Variants in TMEM132D observed in about 807,000 individuals in gnomAD.
The protein encoded by TMEM132D is mature OL transmembrane protein.
In TMEM132D, 21 loss-of-function variants were observed where a neutral mutation model predicts 62.3. The ratio of observed to expected loss-of-function variants is 0.34; its 90% CI spans 0.24 to 0.49. The LOEUF is 0.49. Among genes scored for constraint, TMEM132D ranks in the 20% least tolerant of loss-of-function variants. The pLI, the probability that TMEM132D is intolerant of heterozygous loss-of-function variation, is 0.99. For synonymous variants in TMEM132D, 621 were observed against 575.6 expected (o/e 1.08, Z -1.13); for missense variants, 1,346 against 1,402.8 (o/e 0.96, Z 0.65).
chr12:129,247,792 C>A (rs1313828131), intron 4 of TMEM132D, among the ~76,000 whole-genome samples: 1 of 151,896 alleles, frequency 6.6e-6, no homozygotes, highest in Admixed American at 6.5e-5. Flanking sequence ...AAACGATATG[C>A]CCCATAGCTT....
intron 2 of TMEM132D, among the ~76,000 whole-genome samples, chr12:129,596,910 A>G (rs779930243): frequency 4.1e-4 from 62 of 152,296 alleles, no homozygotes; most frequent in Middle Eastern, 3.4e-3. Flanking sequence ...AGTCCAAGGC[A>G]GATGGGAAAA....
intron 4 of TMEM132D, among the ~76,000 whole-genome samples, chr12:129,321,068 C>G (rs1868689342): frequency 6.6e-6 from 1 of 152,048 alleles, no homozygotes; most frequent in Non-Finnish European, 1.5e-5. Flanking sequence ...ATATTCATAA[C>G]CATACTTTAC....
intron 1 of TMEM132D, among the ~76,000 whole-genome samples, chr12:129,878,680 G>A (rs1455858333): frequency 2.0e-5 from 3 of 151,832 alleles, no homozygotes; most frequent in Non-Finnish European, 4.4e-5. Flanking sequence ...GGGTTCAAAC[G>A]ATTTTCCTGC....
intron 5 of TMEM132D, among the ~76,000 whole-genome samples, chr12:129,200,510 G>T (rs2135560956): frequency 6.6e-6 from 1 of 152,298 alleles, no homozygotes; most frequent in Middle Eastern, 3.4e-3. Context: ...AATCCCTGCA[G>T]CTTCTCCATT....
chr12:129,424,946 G>A (rs537703496), intron 3 of TMEM132D, among the ~76,000 whole-genome samples: 8 of 152,044 alleles, frequency 5.3e-5, no homozygotes, highest in South Asian at 4.2e-4. Context: ...AGTCCATCCC[G>A]CTCCCCACCT....
intron 5 of TMEM132D, among the ~76,000 whole-genome samples, chr12:129,147,038 C>T (rs1876919655): frequency 6.6e-6 from 1 of 152,024 alleles, no homozygotes; most frequent in African/African-American, 2.4e-5. Context: ...TGATTTCAAA[C>T]CTACTGAAGA....
intron 5 of TMEM132D, among the ~76,000 whole-genome samples, chr12:129,093,921 G>T (rs900063794): frequency 1.3e-5 from 2 of 151,830 alleles, no homozygotes; most frequent in Non-Finnish European, 2.9e-5. Flanking sequence ...ATAAAAACAA[G>T]CAATGGGGAA....
Position 129,266,808 on chromosome 12 carries a change from C to T in TMEM132D, c.1300-57145G>A, listed in dbSNP as rs76714490. Among the ~76,000 whole-genome samples the T allele has an allele frequency of 4.7e-3, 711 of 152,224 alleles. 4 individuals are homozygous for T. The highest frequency in any genetic ancestry group is 0.016 in the African/African-American group (645 of 41,514). ...GACCTCCTAAATGCACCACAGATCC[C>T]TCTACTCCCTCTGTCTCTGCTATCA... On this transcript the variant is annotated intron_variant, in intron 4 of 8. Coordinates refer to ENST00000422113, the MANE Select transcript of TMEM132D (RefSeq NM_133448.3).
chr12:129,606,395 T>C (rs1027281107), intron 2 of TMEM132D, among the ~76,000 whole-genome samples: 10 of 152,060 alleles, frequency 6.6e-5, no homozygotes, highest in African/African-American at 2.4e-4. Context: ...GTCCCTAAGT[T>C]AGCTCAGAGT....
At chr12:129,245,354 T>C (rs1880067870) in intron 4 of TMEM132D, among the ~76,000 whole-genome samples, 1 of 152,230 alleles carries the variant, frequency 6.6e-6, no homozygotes, top group African/African-American at 2.4e-5. Context: ...GGAATATGAC[T>C]CTCAGTGTCT....
intron 3 of TMEM132D, among the ~76,000 whole-genome samples, chr12:129,415,906 T>C (rs916384798): frequency 2.0e-5 from 3 of 152,196 alleles, no homozygotes; most frequent in Non-Finnish European, 4.4e-5. Context: ...CTCTTCTCTG[T>C]TAATCATTGG....
chr12:129,278,385 C>T (rs11608894), intron 4 of TMEM132D, among the ~76,000 whole-genome samples: 8,689 of 152,160 alleles, frequency 0.057, 426 homozygotes, highest in Admixed American at 0.14. Flanking sequence ...CTGCTGGGGA[C>T]ATCTGGAAGG....
chr12:129,726,738 A>T (rs985114895), intron 1 of TMEM132D, among the ~76,000 whole-genome samples: 1 of 152,182 alleles, frequency 6.6e-6, no homozygotes, highest in African/African-American at 2.4e-5. Context: ...TGCTACCAGT[A>T]GCAAGAGTTA....
chr12:129,252,648 C>G (rs1190904727), intron 4 of TMEM132D, among the ~76,000 whole-genome samples: 4 of 152,218 alleles, frequency 2.6e-5, no homozygotes, highest in East Asian at 1.9e-4. Context: ...CCTCAGGGAT[C>G]TAGAACAAGA....
At chr12:129,375,343 CA>C (rs1870753690) in intron 3 of TMEM132D, among the ~76,000 whole-genome samples, 1 of 152,146 alleles carries the variant, frequency 6.6e-6, no homozygotes, top group Admixed American at 6.5e-5. Flanking sequence ...GTCTACACTG[CA>C]GACAAAATTC....
At chr12:129,638,887 A>C (rs573958170) in intron 2 of TMEM132D, among the ~76,000 whole-genome samples, 6 of 152,244 alleles carry the variant, frequency 3.9e-5, no homozygotes, top group Admixed American at 3.3e-4. Flanking sequence ...GGCAAATGAG[A>C]GTGCACATTA....
intron 3 of TMEM132D, among the ~76,000 whole-genome samples, chr12:129,468,444 C>A (rs1315570396): frequency 6.6e-6 from 1 of 152,160 alleles, no homozygotes; most frequent in African/African-American, 2.4e-5. Context: ...GACGTGGATG[C>A]AAATATCATC....
At chr12:129,490,676 A>G (rs1332664368) in intron 3 of TMEM132D, among the ~76,000 whole-genome samples, 4 of 132,758 alleles carry the variant, frequency 3.0e-5, no homozygotes, top group African/African-American at 8.7e-5. Flanking sequence ...GATGGTCTCC[A>G]TCTCCTGACC....
chr12:129,597,056 T>C, intron 2 of TMEM132D, among the ~76,000 whole-genome samples: 1 of 152,256 alleles, frequency 6.6e-6, no homozygotes, highest in East Asian at 1.9e-4. Context: ...TACACATTTT[T>C]ATTTTTAAAG....
Sources: allele counts gnomAD v4.1 joint callset (sites outside exome capture counted in the v4.1 genomes callset), GRCh38; gene constraint gnomAD v4.1.1; transcripts MANE v1.5; gene names NCBI Gene and HGNC (gene_info 2026-07-23, HGNC 2026-07-21).